Variants in NPIPB11 observed in about 807,000 individuals in gnomAD.
The protein encoded by NPIPB11 is nuclear pore complex interacting protein family member B11, also known as nuclear pore complex-interacting protein family member B11.
In NPIPB11, 17 loss-of-function variants were observed where a neutral mutation model predicts 32.8. The ratio of observed to expected loss-of-function variants is 0.52; its 90% confidence interval spans 0.35 to 0.78. The LOEUF is 0.78. Among genes scored for constraint, NPIPB11 ranks in the 30% least tolerant of loss-of-function variants. NPIPB11 has a pLI of 0.01. For synonymous variants in NPIPB11, 209 were observed against 398.4 expected (o/e 0.52, Z 5.66); for missense variants, 537 against 1,000.4 (o/e 0.54, Z 6.25).
At chr16:29,390,374 C>T (rs368993155) in intron 3 of NPIPB11, 26 bp from the exon 4 acceptor site, 17,415 of 1,536,770 alleles carry the variant, frequency 0.011, 144 homozygotes, top group Non-Finnish European at 0.013. Context: ...ATAAGAATGA[C>T]GGCTGGGCAC....
exon 8 of NPIPB11, chr16:29,382,224 C>G (rs544831436): frequency 1.3e-6 from 2 of 1,567,148 alleles, no homozygotes; most frequent in East Asian, 2.3e-5. Context: ...AGTGAGCTGA[C>G]GTTTGGAAGG....
At chr16:29,405,876 TAC>T, upstream of NPIPB11, among the ~76,000 whole-genome samples, 1 of 152,372 alleles carries the variant, frequency 6.6e-6, no homozygotes. Flanking sequence ...CATAACCCTG[TAC>T]ACACTCTTCC....
intron 2 of NPIPB11, among the ~76,000 whole-genome samples, chr16:29,401,352 A>T (rs1212116214): frequency 1.3e-5 from 2 of 152,050 alleles, no homozygotes; most frequent in East Asian, 3.9e-4. Context: ...GCAGTCAGAG[A>T]TTTACTGACT....
upstream of NPIPB11, among the ~76,000 whole-genome samples, chr16:29,405,902 T>C (rs1286009203): frequency 1.3e-5 from 2 of 152,256 alleles, no homozygotes; most frequent in Non-Finnish European, 2.9e-5. Flanking sequence ...GTCGATTCAA[T>C]TCAAGTACCC....
intron 3 of NPIPB11, among the ~76,000 whole-genome samples, chr16:29,391,780 G>A (rs909770071): frequency 7.2e-5 from 11 of 152,158 alleles, no homozygotes; most frequent in African/African-American, 2.6e-4. Flanking sequence ...AAGTGCAGTG[G>A]CGCTACCTTG....
intron 2 of NPIPB11, among the ~76,000 whole-genome samples, chr16:29,399,500 G>C (rs1963938630): frequency 1.3e-5 from 2 of 149,162 alleles, no homozygotes; most frequent in African/African-American, 5.0e-5. Context: ...AGGAGTTCCA[G>C]ACCAGCCTGG....
intron 3 of NPIPB11, among the ~76,000 whole-genome samples, chr16:29,391,858 T>A (rs1329399956): frequency 6.6e-6 from 1 of 151,896 alleles, no homozygotes; most frequent in Non-Finnish European, 1.5e-5. Context: ...GTAGCTGGGA[T>A]TACAGGTGCC....
At chr16:29,391,980 C>G (rs955336715) in intron 3 of NPIPB11, among the ~76,000 whole-genome samples, 7 of 152,044 alleles carry the variant, frequency 4.6e-5, no homozygotes, top group African/African-American at 7.3e-5. Context: ...CTCAGCCTCC[C>G]AAAGTGCTGG....
chr16:29,391,281 A>C (rs1360799461), intron 3 of NPIPB11, among the ~76,000 whole-genome samples: 2 of 148,084 alleles, frequency 1.4e-5, no homozygotes, highest in South Asian at 4.3e-4. Context: ...AAAAAAAAAA[A>C]ATGACATGAA....
intron 2 of NPIPB11, among the ~76,000 whole-genome samples, chr16:29,397,242 T>C (rs1300153200): frequency 7.6e-6 from 1 of 132,342 alleles, no homozygotes; most frequent in African/African-American, 3.0e-5. Context: ...GTCCACTTTG[T>C]TTGTTAGAGA....
At chr16:29,403,079 ATT>A (rs552934163) in intron 2 of NPIPB11, among the ~76,000 whole-genome samples, 13 of 134,252 alleles carry the variant, frequency 9.7e-5, no homozygotes, top group Non-Finnish European at 1.6e-4. Flanking sequence ...TTGCAGGATA[ATT>A]TTTTTTTTTT....
upstream of NPIPB11, among the ~76,000 whole-genome samples, chr16:29,405,335 T>C (rs544191648): frequency 5.9e-5 from 9 of 151,986 alleles, no homozygotes; most frequent in African/African-American, 1.7e-4. Context: ...GTTGAACAAA[T>C]ATTATTAAAA....
At chr16:29,401,847 C>G (rs1248337621) in intron 2 of NPIPB11, among the ~76,000 whole-genome samples, 1 of 151,818 alleles carries the variant, frequency 6.6e-6, no homozygotes, top group Non-Finnish European at 1.5e-5. Flanking sequence ...GCACAGGGCA[C>G]AGGAGAGCCA....
At chr16:29,392,157 T>C (rs1256070066) in intron 3 of NPIPB11, among the ~76,000 whole-genome samples, 7 of 151,872 alleles carry the variant, frequency 4.6e-5, no homozygotes, top group African/African-American at 1.5e-4. Context: ...ACCACGTCAA[T>C]CCCACAGCTA....
At position 29,383,210 on chromosome 16, in the gene NPIPB11, G is replaced by A. The variant is rs1429745125; in HGVS notation, c.1722C>T (p.Pro574=). 6.4e-6 allele frequency: 10 copies of A among 1,567,702 alleles called. No homozygotes were observed. The Admixed American group carries it at 1.2e-4, about 19-fold the overall frequency. The change falls in exon 8 of 8, where the codon CCC becomes CCT. Residue 574 remains proline (P), a synonymous_variant. Coordinates refer to ENST00000524087, the Ensembl canonical transcript of NPIPB11. ...GTGTCTTGATATTATCATCTGCTGA[G>A]GGTGGAGCTGAGGGTGGAAGGGGAG...
At chr16:29,401,511 G>A (rs1192224412) in intron 2 of NPIPB11, among the ~76,000 whole-genome samples, 1 of 152,094 alleles carries the variant, frequency 6.6e-6, no homozygotes, top group Non-Finnish European at 1.5e-5. Flanking sequence ...CAAATCTGCG[G>A]TGACTTAGTC....
At chr16:29,393,813 G>C in intron 3 of NPIPB11, 135 bp downstream of exon 3, 1 of 1,226,840 alleles carries the variant, frequency 8.2e-7, no homozygotes, top group African/African-American at 1.5e-5. Flanking sequence ...TAATTCTTAT[G>C]CTAATAAATC....
intron 7 of NPIPB11, 47 bp from the exon 8 acceptor site, chr16:29,384,336 G>A: frequency 1.2e-5 from 8 of 640,674 alleles, no homozygotes; most frequent in Non-Finnish European, 1.8e-5. Context: ...TCATTTGATG[G>A]ACAAAATTAC....
intron 2 of NPIPB11, among the ~76,000 whole-genome samples, chr16:29,399,079 G>A (rs1963927223): frequency 6.6e-6 from 1 of 150,460 alleles, no homozygotes; most frequent in Non-Finnish European, 1.5e-5. Flanking sequence ...ATACCCAGAG[G>A]GCTTGGCAGC....
Sources: allele counts gnomAD v4.1 joint callset (sites outside exome capture counted in the v4.1 genomes callset), GRCh38; gene constraint gnomAD v4.1.1; transcripts MANE v1.5; gene names NCBI Gene and HGNC (gene_info 2026-07-23, HGNC 2026-07-21).